The following SUGCT variants were observed in gnomAD, a reference collection of about 807,000 sequenced individuals.
SUGCT encodes the protein succinyl-CoA:glutarate-CoA transferase.
A neutral mutation model predicts 55.0 loss-of-function variants in SUGCT; 41 were observed. The ratio of observed to expected loss-of-function variants is 0.74; its 90% CI spans 0.58 to 0.97. The LOEUF is 0.97. SUGCT is among the 50% of genes least tolerant of loss of function. SUGCT has a pLI of 0.00. For missense variants in SUGCT, 568 were observed against 547.8 expected (o/e 1.04, Z -0.37); for synonymous variants, 187 against 200.4 (o/e 0.93, Z 0.56).
At chr7:40,771,562 C>G (rs1329850653) in intron 13 of SUGCT, among the ~76,000 whole-genome samples, 1 of 151,978 alleles carries the variant, frequency 6.6e-6, no homozygotes, top group Non-Finnish European at 1.5e-5. Flanking sequence ...CTGATTTTAT[C>G]CTTGTAAGAT....
chr7:40,473,982 AG>A (rs1562802180), intron 11 of SUGCT, among the ~76,000 whole-genome samples: 1 of 151,740 alleles, frequency 6.6e-6, no homozygotes, highest in Admixed American at 6.6e-5. Context: ...TCTCTCTCTC[AG>A]CTACTATTAT....
chr7:40,562,199 T>C (rs1476855615), intron 12 of SUGCT, among the ~76,000 whole-genome samples: 1 of 150,950 alleles, frequency 6.6e-6, no homozygotes, highest in East Asian at 2.0e-4. Flanking sequence ...CTTGGGAGGC[T>C]GAGGCAGGAG....
chr7:40,407,007 TAA>T (rs1786406441), intron 9 of SUGCT, among the ~76,000 whole-genome samples: 1 of 151,986 alleles, frequency 6.6e-6, no homozygotes, highest in South Asian at 2.1e-4. Context: ...AGTTTCGAAA[TAA>T]AGTCTACCTT....
chr7:40,933,945 C>G, the SUGCT span, among the ~76,000 whole-genome samples: 1 of 152,188 alleles, frequency 6.6e-6, no homozygotes, highest in Non-Finnish European at 1.5e-5. Flanking sequence ...CTCAACTCAT[C>G]AAAGTCATTC....
At chr7:40,419,289 A>G (rs1174528346) in intron 9 of SUGCT, among the ~76,000 whole-genome samples, 3 of 152,178 alleles carry the variant, frequency 2.0e-5, no homozygotes, top group Admixed American at 2.0e-4. Context: ...ATCTGATACC[A>G]GGAATTCAAT....
intron 12 of SUGCT, among the ~76,000 whole-genome samples, chr7:40,747,014 C>T (rs907470544): frequency 1.6e-4 from 25 of 152,164 alleles, no homozygotes; most frequent in African/African-American, 6.0e-4. Context: ...AGATTTAGCA[C>T]CTCCCGTTGG....
intron 12 of SUGCT, among the ~76,000 whole-genome samples, chr7:40,584,094 T>C (rs1797246762): frequency 6.6e-6 from 1 of 152,212 alleles, no homozygotes; most frequent in Non-Finnish European, 1.5e-5. Flanking sequence ...AATGTAATTT[T>C]AGGAATTGTT....
At chr7:40,598,007 A>G (rs1200876838) in intron 12 of SUGCT, among the ~76,000 whole-genome samples, 1 of 152,188 alleles carries the variant, frequency 6.6e-6, no homozygotes, top group East Asian at 1.9e-4. Flanking sequence ...AAAAGACTGA[A>G]AAGTCATATT....
chr7:40,620,884 A>G lies in SUGCT; in HGVS notation c.1089+124498A>G, dbSNP rs183618354. 3.5e-4 allele frequency among the ~76,000 whole-genome samples: 53 copies of G among 152,306 alleles called. No homozygotes were observed. The East Asian group carries it at 7.9e-3, about 23-fold the overall frequency. ...TTTGCAAAACAGTAGGGGAAACTTC[A>G]TCTATCTTTAGGTGGAAATAGTCTT... On this transcript the variant is annotated intron_variant, in intron 12 of 13. Transcript: ENST00000335693.
chr7:40,226,246 A>G (rs989281204), intron 6 of SUGCT, among the ~76,000 whole-genome samples: 5 of 152,236 alleles, frequency 3.3e-5, no homozygotes, highest in Non-Finnish European at 7.3e-5. Context: ...AAAAGGAAAT[A>G]AAGCAAAATG....
intron 12 of SUGCT, among the ~76,000 whole-genome samples, chr7:40,580,398 G>A (rs940229854): frequency 3.3e-5 from 5 of 152,102 alleles, no homozygotes; most frequent in African/African-American, 7.2e-5. Flanking sequence ...TGTGTTATTC[G>A]TGAAGGAGGT....
chr7:40,964,245 TC>T, the SUGCT span, among the ~76,000 whole-genome samples: 1 of 152,174 alleles, frequency 6.6e-6, no homozygotes, highest in Non-Finnish European at 1.5e-5. Context: ...GGAAAGGTCT[TC>T]CTGGGTAGAG....
rs572269644 is a variant in SUGCT at position 40,257,499 on chromosome 7, A to G, written c.577-17014A>G. Among the ~76,000 whole-genome samples the G allele has an allele frequency of 3.4e-4, 52 of 152,310 alleles. 1 individual carries two copies. Among genetic ancestry groups the G allele is most frequent in the South Asian group, 2.7e-3 (13 of 4,828 alleles). Reference sequence around the variant, plus strand: ...AAAGAAATGTTAAAAAAAAAGAGAAAGCTTCTTTTTAAAAAGTAAACCAGG... The same window carrying G: ...AAAGAAATGTTAAAAAAAAAGAGAAGGCTTCTTTTTAAAAAGTAAACCAGG... On this transcript the variant is annotated intron_variant, in intron 7 of 13. Transcript: ENST00000335693.
rs1203172280 is a variant in SUGCT, at chr7:40,274,525, G to A, written c.589G>A (p.Val197Ile). ...ACCTTCAAATCAGAATGGAGATCCA[G>A]TTCGCCCAGGAGTAGCTATGACTGA... The part of the protein sequence containing the change: ...HITGPENGDP[V>I]RPGVAMTDLA... Residue 197 changes from valine (V) to isoleucine (I), a missense_variant, in exon 8 of 14, where the codon GTT becomes ATT. Physicochemically the swap from Val to Ile is conservative, Grantham distance 29. Coordinates refer to ENST00000335693, the MANE Select transcript of SUGCT (RefSeq NM_001193313.2). 6.2e-7 allele frequency: 1 copy of A among 1,612,694 alleles called. No homozygotes were observed. Among genetic ancestry groups the A allele is most frequent in the Non-Finnish European group, 8.5e-7 (1 of 1,179,576 alleles).
chr7:40,955,330 C>G, the SUGCT span, among the ~76,000 whole-genome samples: 8 of 152,220 alleles, frequency 5.3e-5, no homozygotes, highest in East Asian at 1.5e-3. Flanking sequence ...TTGTAGTTCT[C>G]CTTGAAGAGG....
At chr7:40,321,297 A>C (rs544137125) in intron 9 of SUGCT, among the ~76,000 whole-genome samples, 1 of 151,652 alleles carries the variant, frequency 6.6e-6, no homozygotes, top group Non-Finnish European at 1.5e-5. Flanking sequence ...GGCTGGTCTC[A>C]GACTCCTGAC....
downstream of SUGCT, among the ~76,000 whole-genome samples, chr7:40,861,151 T>A (rs1794477424): frequency 6.6e-6 from 1 of 152,214 alleles, no homozygotes; most frequent in African/African-American, 2.4e-5. Context: ...TCCCAGTGCA[T>A]TTAGAGATGT....
At chr7:40,712,819 C>T (rs1204038666) in intron 12 of SUGCT, among the ~76,000 whole-genome samples, 1 of 152,224 alleles carries the variant, frequency 6.6e-6, no homozygotes, top group Admixed American at 6.5e-5. Context: ...TCAGAGTGCG[C>T]TGCCATTATT....
At chr7:40,929,987 T>A in the SUGCT span, among the ~76,000 whole-genome samples, 2 of 152,206 alleles carry the variant, frequency 1.3e-5, no homozygotes, top group Non-Finnish European at 1.5e-5. Context: ...AGTCATGAAG[T>A]CCTTGCCCAT....
Sources: allele counts gnomAD v4.1 joint callset (sites outside exome capture counted in the v4.1 genomes callset), GRCh38; gene constraint gnomAD v4.1.1; transcripts MANE v1.5; gene names NCBI Gene and HGNC (gene_info 2026-07-23, HGNC 2026-07-21).